Variants in ZNF362 observed in about 807,000 individuals in gnomAD.
ZNF362 encodes rotund homolog.
In ZNF362, 11 loss-of-function variants were observed where a neutral mutation model predicts 42.9. The ratio of observed to expected loss-of-function variants is 0.26; its 90% CI spans 0.16 to 0.42. The LOEUF (loss-of-function observed/expected upper bound fraction) is 0.42. Ranked by LOEUF, ZNF362 falls within the 20% of genes least tolerant of loss-of-function variation. The pLI, the probability that ZNF362 is intolerant of heterozygous loss-of-function variation, is 1.00. For synonymous variants in ZNF362, 255 were observed against 257.3 expected (o/e 0.99, Z 0.09); for missense variants, 362 against 576.2 (o/e 0.63, Z 3.81).
At chr1:33,261,811 G>T (rs1350527836) in intron 1 of ZNF362, 4 of 152,240 alleles carry the variant, frequency 2.6e-5, no homozygotes, top group Admixed American at 2.0e-4. Context: ...AGAGGAGCAG[G>T]CCTTATCCAA....
At chr1:33,155,315 G>T in the ZNF362 span, among the ~76,000 whole-genome samples, 1 of 151,784 alleles carries the variant, frequency 6.6e-6, no homozygotes, top group Admixed American at 6.6e-5. Context: ...CAAGTGATCC[G>T]CCTGCCTTGC....
chr1:33,147,860 A>G, the ZNF362 span: 1 of 996,188 alleles, frequency 1.0e-6, no homozygotes, highest in South Asian at 1.7e-5. The surrounding 1 kb of genome is among the most constrained non-coding windows in gnomAD (Gnocchi z 8.1). Flanking sequence ...CTTGAATACA[A>G]GTCTGCCCTC....
chr1:33,269,158 T>C (rs1447945589), intron 1 of ZNF362, among the ~76,000 whole-genome samples: 1 of 152,142 alleles, frequency 6.6e-6, no homozygotes, highest in African/African-American at 2.4e-5. Context: ...CATGCAACAG[T>C]CAACTGCCTG....
the ZNF362 span, chr1:33,159,977 G>C: frequency 1.3e-5 from 20 of 1,587,940 alleles, no homozygotes; most frequent in Non-Finnish European, 1.7e-5. This position sits in a 1 kb window ranked among gnomAD's most constrained non-coding sequence, Gnocchi z 4.2. Flanking sequence ...GTTATGGCTG[G>C]GGGAGCAGAT....
chr1:33,269,628 C>G (rs1288100802), intron 1 of ZNF362, among the ~76,000 whole-genome samples: 1 of 152,158 alleles, frequency 6.6e-6, no homozygotes, highest in Non-Finnish European at 1.5e-5. Flanking sequence ...CCTCAAACTC[C>G]TGGGCTCAAG....
chr1:33,138,214 G>T, the ZNF362 span, among the ~76,000 whole-genome samples: 1 of 152,182 alleles, frequency 6.6e-6, no homozygotes, highest in Admixed American at 6.5e-5. Context: ...TGGGGGTTAG[G>T]AAAAGTAGGC....
At chr1:33,187,621 T>C in the ZNF362 span, among the ~76,000 whole-genome samples, 1 of 152,210 alleles carries the variant, frequency 6.6e-6, no homozygotes, top group South Asian at 2.1e-4. Context: ...CACTTACTCC[T>C]GCCTGTTCAG....
chr1:33,170,378 G>A, the ZNF362 span, among the ~76,000 whole-genome samples: 1 of 151,540 alleles, frequency 6.6e-6, no homozygotes. Flanking sequence ...GTGACAGAGC[G>A]AGACCCCATC....
intron 2 of ZNF362, chr1:33,275,439 G>A (rs575643589): frequency 1.2e-5 from 12 of 967,642 alleles, no homozygotes; most frequent in South Asian, 4.8e-5. Context: ...CATCCACGTC[G>A]TTGTAGGTCA....
chr1:33,230,320 A>G, the ZNF362 span, among the ~76,000 whole-genome samples: 1 of 152,166 alleles, frequency 6.6e-6, no homozygotes, highest in South Asian at 2.1e-4. Flanking sequence ...TATGCTGTAC[A>G]GGAACCATTC....
At chr1:33,152,922 C>T in the ZNF362 span, among the ~76,000 whole-genome samples, 1 of 152,028 alleles carries the variant, frequency 6.6e-6, no homozygotes, top group African/African-American at 2.4e-5. Context: ...GGACAATGGG[C>T]TGCCTGGCCT....
At chr1:33,269,082 C>T (rs951984491) in intron 1 of ZNF362, among the ~76,000 whole-genome samples, 4 of 152,038 alleles carry the variant, frequency 2.6e-5, no homozygotes, top group East Asian at 1.9e-4. Context: ...CCACCTCTTC[C>T]GGATAGCCCT....
At chr1:33,184,495 A>T in the ZNF362 span, among the ~76,000 whole-genome samples, 14 of 152,204 alleles carry the variant, frequency 9.2e-5, no homozygotes, top group Admixed American at 9.2e-4. Context: ...AATAGAACAT[A>T]AATAGAAATA....
chr1:33,159,885 C>T, the ZNF362 span: 13 of 1,610,668 alleles, frequency 8.1e-6, no homozygotes, highest in East Asian at 1.1e-4. This position sits in a 1 kb window ranked among gnomAD's most constrained non-coding sequence, Gnocchi z 4.2. Context: ...GTTCACGCAG[C>T]AGCCGGTGCA....
At chr1:33,250,848 A>G in the ZNF362 span, among the ~76,000 whole-genome samples, 1 of 128,560 alleles carries the variant, frequency 7.8e-6, no homozygotes. Context: ...GAAAGAAGAA[A>G]GAAGGAAGAA....
At chr1:33,291,891 T>C (rs1646081023) in intron 6 of ZNF362, among the ~76,000 whole-genome samples, 1 of 152,234 alleles carries the variant, frequency 6.6e-6, no homozygotes, top group African/African-American at 2.4e-5. Context: ...TGTATAAGAA[T>C]GCTTGTGATT....
chr1:33,217,888 A>G, the ZNF362 span, among the ~76,000 whole-genome samples: 1 of 152,336 alleles, frequency 6.6e-6, no homozygotes, highest in Non-Finnish European at 1.5e-5. Context: ...ATGGATATCT[A>G]TGTAAAAAAT....
At chr1:33,278,325 C>T (rs1160569001) in intron 4 of ZNF362, among the ~76,000 whole-genome samples, 3 of 152,082 alleles carry the variant, frequency 2.0e-5, no homozygotes, top group Non-Finnish European at 4.4e-5. Context: ...TTCCTACTCA[C>T]CATTCTGTCA....
chr1:33,134,204 TA>T, the ZNF362 span, among the ~76,000 whole-genome samples: 1 of 152,352 alleles, frequency 6.6e-6, no homozygotes, highest in Admixed American at 6.5e-5. Context: ...CAATAAATTT[TA>T]GCTGTCATTA....
Sources: gnomAD v4.1 joint callset for allele counts (sites outside exome capture counted in the v4.1 genomes callset) on GRCh38, gnomAD v4.1.1 for gene constraint, Gnocchi (gnomAD v3.1) non-coding constraint, MANE v1.5 for transcripts, NCBI Gene and HGNC (gene_info 2026-07-23, HGNC 2026-07-21) for gene names.